The following KPNB1 variants were observed in gnomAD, a reference collection of about 807,000 sequenced individuals.
KPNB1 encodes importin subunit beta-1.
A neutral mutation model predicts 113.0 loss-of-function variants in KPNB1; 7 were observed. The ratio of observed to expected loss-of-function variants is 0.06; its 90% CI spans 0.04 to 0.12. The LOEUF is 0.12. Ranked by LOEUF, KPNB1 falls within the 10% of genes least tolerant of loss-of-function variation. KPNB1 has a pLI of 1.00. For synonymous variants in KPNB1, 363 were observed against 378.6 expected (o/e 0.96, Z 0.48); for missense variants, 400 against 1,054.8 (o/e 0.38, Z 8.60).
chr17:47,676,311 G>A (rs1245737649), intron 15 of KPNB1, 98 bp from the exon 16 acceptor site: 2 of 844,330 alleles, frequency 2.4e-6, no homozygotes, highest in African/African-American at 1.7e-5. Context: ...CTGTTGAGTG[G>A]AGCGAGTACA....
chr17:47,651,616 T>A (rs969472358), intron 2 of KPNB1, among the ~76,000 whole-genome samples: 3 of 152,222 alleles, frequency 2.0e-5, no homozygotes, highest in African/African-American at 7.2e-5. Flanking sequence ...TGTTTCTGCT[T>A]TTGCAAATTT....
chr17:47,677,869 A>G (rs966859926), intron 17 of KPNB1, among the ~76,000 whole-genome samples, 177 bp from the exon 18 acceptor site: 3 of 152,240 alleles, frequency 2.0e-5, no homozygotes, highest in African/African-American at 4.8e-5. Context: ...GGGAATACCA[A>G]TACCTGGGCT....
In KPNB1 at chr17:47,656,808, G is replaced by A. The variant is rs985652174; in HGVS notation, c.283-52G>A. ...ATATAAGTATGGTGGTGGGCAAAAT[G>A]TGGTCAAATAGTGTTAGAAATTTGT... On this transcript the variant is annotated intron_variant, in intron 3 of 21. Coordinates refer to ENST00000290158, the MANE Select transcript of KPNB1 (RefSeq NM_002265.6). 28 of 1,567,182 alleles carry A rather than the reference G, an allele frequency of 1.8e-5. No homozygotes were observed. In the Admixed American group the frequency reaches 2.2e-4, roughly 12 times the overall value.
At chr17:47,664,442 A>T (rs962314799) in intron 8 of KPNB1, among the ~76,000 whole-genome samples, 173 bp downstream of exon 8, 1 of 152,142 alleles carries the variant, frequency 6.6e-6, no homozygotes, top group Non-Finnish European at 1.5e-5. Context: ...CACATCAGTA[A>T]TGAGGGCTCA....
intron 21 of KPNB1, among the ~76,000 whole-genome samples, chr17:47,681,710 T>TG (rs2030791143): frequency 8.8e-6 from 1 of 113,782 alleles, no homozygotes; most frequent in Non-Finnish European, 1.9e-5. Flanking sequence ...TTTTTTTTTT[T>TG]TGTATTTTTA....
At chr17:47,674,564 TA>T in intron 14 of KPNB1, 73 bp from the exon 15 acceptor site, 1 of 1,428,966 alleles carries the variant, frequency 7.0e-7, no homozygotes, top group Non-Finnish European at 9.4e-7. Context: ...TAATTGATTT[TA>T]AAAAGAAAAG....
chr17:47,656,958 A>C lies in KPNB1; in HGVS notation c.381A>C (p.Pro127=). Reference sequence around the variant, plus strand: ...CAGAGATCCCAGTAAACCAGTGGCCAGAACTCATTCCTCAGCTGGTGGCCA... The same window carrying C: ...CAGAGATCCCAGTAAACCAGTGGCCCGAACTCATTCCTCAGCTGGTGGCCA... ...ACAEIPVNQW[P]ELIPQLVANV... is the part of the protein sequence containing the mutation. The change falls in exon 4 of 22, where the codon CCA becomes CCC. Residue 127 remains proline, a synonymous_variant. Transcript: ENST00000290158. 6.2e-7 allele frequency: 1 copy of C among 1,614,222 alleles called. No homozygotes were observed. Among genetic ancestry groups the C allele is most frequent in the Non-Finnish European group, 8.5e-7 (1 of 1,180,038 alleles).
In KPNB1 at chr17:47,683,866, T is replaced by A. The variant is rs529183974; in HGVS notation, c.*1462T>A. ...GTCAAACGTCCCCTGGTCACACACT[T>A]GAATATTTTTTTAGAAGTGTGATGT... On this transcript the variant is annotated 3_prime_UTR_variant, in exon 22 of 22. Transcript: ENST00000290158. The A allele has an allele frequency of 6.6e-6, 1 of 152,520 alleles. No homozygotes were observed. Among genetic ancestry groups the A allele is most frequent in the East Asian group, 1.9e-4 (1 of 5,178 alleles). The allele number at this position is 152,520 out of a possible 1,614,324, so 9.4% of individuals were successfully genotyped here. A position where few individuals can be genotyped will look rare whatever the true frequency, so the allele number is the denominator to read the frequency against.
chr17:47,661,381 C>A (rs1376655528), intron 6 of KPNB1, among the ~76,000 whole-genome samples: 1 of 152,062 alleles, frequency 6.6e-6, no homozygotes, highest in Non-Finnish European at 1.5e-5. Context: ...AGGCAGTTCA[C>A]CTGAGGTTAG....
intron 3 of KPNB1, among the ~76,000 whole-genome samples, chr17:47,653,927 T>G (rs941595644): frequency 2.0e-5 from 3 of 152,212 alleles, no homozygotes; most frequent in Non-Finnish European, 2.9e-5. Flanking sequence ...AACAACATTT[T>G]AATTCCTTCT....
rs1567894337 is a variant in KPNB1 at position 47,675,375 on chromosome 17, T to TTG, written c.1912+594_1912+595insGT. Among the ~76,000 whole-genome samples the TTG allele has an allele frequency of 4.2e-5, 5 of 119,490 alleles. 1 individual carries two copies. The highest frequency in any genetic ancestry group is 1.6e-4 in the Admixed American group (2 of 12,746). The allele number at this position is 119,490 out of a possible 152,430, so 78.4% of individuals were successfully genotyped here. ...GCAGAGGTGTTGTTTTTTTTTTGTT[T>TTG]TTTTTTTTTGTTTGTTTTTTTTTTG... On this transcript the variant is annotated intron_variant, in intron 15 of 21. Transcript: ENST00000290158.
chr17:47,682,330 T>C, intron 21 of KPNB1, 74 bp from the exon 22 acceptor site: 1 of 777,056 alleles, frequency 1.3e-6, no homozygotes, highest in Non-Finnish European at 2.4e-6. Flanking sequence ...CATGTAATTG[T>C]AGGAGTCAGC....
chr17:47,650,073 G>A lies in KPNB1; in HGVS notation c.-172G>A. On this transcript the variant is annotated 5_prime_UTR_variant, in exon 1 of 22. Coordinates refer to ENST00000290158, the MANE Select transcript of KPNB1 (RefSeq NM_002265.6). ...GAAGTAAGGGAAGAGGAGAGGAAGG[G>A]GAGCCGGACCGACTACCCAGACAGA... The A allele has an allele frequency of 1.4e-6, 2 of 1,393,908 alleles. No homozygotes were observed. Among genetic ancestry groups the A allele is most frequent in the Non-Finnish European group, 1.9e-6 (2 of 1,079,832 alleles). The allele number at this position is 1,393,908 out of a possible 1,614,324, so 86.3% of individuals were successfully genotyped here.
chr17:47,673,228 C>A, intron 13 of KPNB1, 63 bp downstream of exon 13: 1 of 1,479,354 alleles, frequency 6.8e-7, no homozygotes, highest in South Asian at 1.2e-5. Flanking sequence ...ACACCTAGGT[C>A]TGTTTTCCAG....
chr17:47,673,389 G>GT (rs1375312988), intron 13 of KPNB1, 101 bp from the exon 14 acceptor site: 26 of 1,078,648 alleles, frequency 2.4e-5, no homozygotes, highest in Non-Finnish European at 3.5e-5. Flanking sequence ...TTTTGTTGCT[G>GT]TTGTTTACTT....
At chr17:47,672,957 T>C (rs12603133) in intron 12 of KPNB1, 61 bp from the exon 13 acceptor site, 3 of 1,513,606 alleles carry the variant, frequency 2.0e-6, no homozygotes, top group Admixed American at 2.1e-5. Flanking sequence ...CAAGACATTG[T>C]CTATGTTCTT....
intron 21 of KPNB1, among the ~76,000 whole-genome samples, chr17:47,682,122 C>T (rs1180072511): frequency 6.6e-6 from 1 of 152,236 alleles, no homozygotes; most frequent in African/African-American, 2.4e-5. Context: ...AGCCACTGCA[C>T]CCAGACTGAA....
chr17:47,674,872 A>C, intron 15 of KPNB1, 90 bp downstream of exon 15: 1 of 1,361,410 alleles, frequency 7.3e-7, no homozygotes, highest in Non-Finnish European at 1.0e-6. Flanking sequence ...GCTGGAGTGC[A>C]GTGGCACGAT....
At chr17:47,656,591 A>G (rs2029917123) in intron 3 of KPNB1, among the ~76,000 whole-genome samples, 1 of 151,470 alleles carries the variant, frequency 6.6e-6, no homozygotes, top group South Asian at 2.1e-4. Context: ...CTGTCTCAAC[A>G]AAAGATAGCT....
Sources: allele counts gnomAD v4.1 joint callset (sites outside exome capture counted in the v4.1 genomes callset), GRCh38; gene constraint gnomAD v4.1.1; transcripts MANE v1.5; gene names NCBI Gene and HGNC (gene_info 2026-07-23, HGNC 2026-07-21).